Variants in TGFBR3 observed in about 807,000 individuals in gnomAD.
TGFBR3 encodes the protein transforming growth factor beta receptor 3, also known as transforming growth factor beta receptor type 3.
In TGFBR3, 46 loss-of-function variants were observed where a neutral mutation model predicts 87.9. The ratio of observed to expected loss-of-function variants is 0.52; its 90% CI spans 0.41 to 0.67. TGFBR3 has a LOEUF of 0.67. Ranked by LOEUF, TGFBR3 falls within the 30% of genes least tolerant of loss-of-function variation. The probability of loss-of-function intolerance (pLI) is 0.00; values close to 1 mark genes in which losing one functional copy is unlikely to be tolerated. For missense variants in TGFBR3, 866 were observed against 1,041.9 expected, an observed-to-expected ratio of 0.83 and a Z score of 2.32; for synonymous variants, 381 against 391.6, an observed-to-expected ratio of 0.97 and a Z score of 0.32.
At chr1:91,832,286 G>A (rs557779772) in intron 2 of TGFBR3, among the ~76,000 whole-genome samples, 1 of 152,248 alleles carries the variant, frequency 6.6e-6, no homozygotes, top group African/African-American at 2.4e-5. Flanking sequence ...AAATGAGAGA[G>A]AGCTTTGCAA....
intron 3 of TGFBR3, among the ~76,000 whole-genome samples, chr1:91,781,880 T>C (rs984144288): frequency 6.6e-6 from 1 of 152,198 alleles, no homozygotes; most frequent in South Asian, 2.1e-4. Flanking sequence ...AAAGATTTTA[T>C]GATTTGGGAA....
chr1:91,798,737 A>AT (rs1424570536), intron 2 of TGFBR3, among the ~76,000 whole-genome samples: 24 of 152,340 alleles, frequency 1.6e-4, no homozygotes, highest in Admixed American at 2.0e-4. Flanking sequence ...TGCCTGGCAT[A>AT]TATGAGATGC....
chr1:91,781,694 A>T, intron 3 of TGFBR3, among the ~76,000 whole-genome samples: 1 of 152,186 alleles, frequency 6.6e-6, no homozygotes. Flanking sequence ...TTGCCCTTGT[A>T]CATTGCTCTA....
chr1:91,720,151 G>A lies in TGFBR3; in HGVS notation c.1155C>T (p.Ala385=), dbSNP rs1161283746. 1.2e-6 allele frequency: 2 copies of A among 1,613,838 alleles called. No homozygotes were observed. Among genetic ancestry groups the A allele is most frequent in the South Asian group, 2.2e-5 (2 of 91,062 alleles). ...CTCCCCGGATGGGCGGGTTCTGCAG[G>A]GCAGGCAGGGCACCAGGGTCCAGCA... is the stretch of plus-strand genomic sequence containing the variant. ...RILLDPGALP[A]LQNPPIRGGE... is the part of the protein sequence containing the mutation. The change falls in exon 9 of 17, where the codon GCC becomes GCT. Residue 385 remains alanine (A), a synonymous_variant. Transcript: ENST00000212355.
intron 4 of TGFBR3, among the ~76,000 whole-genome samples, chr1:91,744,169 C>T (rs1430737542): frequency 6.6e-6 from 1 of 150,626 alleles, no homozygotes; most frequent in Admixed American, 6.6e-5. Context: ...ACTGCAGTCT[C>T]TGCCTCCCAG....
intron 15 of TGFBR3, among the ~76,000 whole-genome samples, chr1:91,696,590 T>C (rs952546735): frequency 7.9e-5 from 12 of 152,212 alleles, no homozygotes; most frequent in Non-Finnish European, 1.6e-4. Flanking sequence ...AACATTTCCT[T>C]TCATTTAAGA....
At chr1:91,800,276 A>T (rs12760645) in intron 2 of TGFBR3, among the ~76,000 whole-genome samples, 2 of 140,176 alleles carry the variant, frequency 1.4e-5, no homozygotes, top group Admixed American at 1.4e-4. Context: ...ACACACACAC[A>T]CACTCACGCA....
chr1:91,886,682 C>T (rs1679327266), upstream of TGFBR3, among the ~76,000 whole-genome samples: 1 of 152,158 alleles, frequency 6.6e-6, no homozygotes, highest in Non-Finnish European at 1.5e-5. Context: ...TCATTCTGTC[C>T]CTGTGCTTTT....
At chr1:91,748,513 T>G (rs986782711) in intron 4 of TGFBR3, among the ~76,000 whole-genome samples, 5 of 152,188 alleles carry the variant, frequency 3.3e-5, no homozygotes, top group Middle Eastern at 3.2e-3. Flanking sequence ...AAATAAGTCA[T>G]GCATAAAACA....
At chr1:91,877,413 G>A (rs143395143) in intron 1 of TGFBR3, among the ~76,000 whole-genome samples, 34 of 151,978 alleles carry the variant, frequency 2.2e-4, no homozygotes, top group African/African-American at 7.0e-4. Flanking sequence ...CTGCAGCCTC[G>A]ACCTCCTGGC....
At chr1:91,812,921 A>G (rs1197638966) in intron 2 of TGFBR3, among the ~76,000 whole-genome samples, 1 of 152,060 alleles carries the variant, frequency 6.6e-6, no homozygotes, top group South Asian at 2.1e-4. Context: ...GCTGCTTTAT[A>G]GTTTTGCCTA....
chr1:91,748,927 A>AG (rs1449346750), intron 4 of TGFBR3, among the ~76,000 whole-genome samples: 3 of 152,112 alleles, frequency 2.0e-5, no homozygotes, highest in African/African-American at 4.8e-5. Flanking sequence ...CATACATGTA[A>AG]GTACTCAGAA....
chr1:91,750,293 C>A (rs1282411692), intron 4 of TGFBR3, among the ~76,000 whole-genome samples: 2 of 152,170 alleles, frequency 1.3e-5, no homozygotes, highest in Non-Finnish European at 1.5e-5. Context: ...TAGAATAAAT[C>A]CCAGGGAGTC....
intron 4 of TGFBR3, among the ~76,000 whole-genome samples, chr1:91,747,033 T>C (rs866033129): frequency 1.3e-5 from 2 of 152,212 alleles, no homozygotes; most frequent in East Asian, 3.8e-4. Flanking sequence ...CCTAAGTGCA[T>C]GTCACATGGA....
In TGFBR3 at chr1:91,685,514, C is replaced by T. The variant is rs777370525; in HGVS notation, c.2438-1657G>A. On this transcript the variant is annotated intron_variant, in intron 16 of 16. Coordinates refer to ENST00000212355, the MANE Select transcript of TGFBR3 (RefSeq NM_003243.5). ...ATTTTTTGTATTTTTAGTAGAGACA[C>T]GATTTCACTGTGTTAGCCAGGATGG... Among the ~76,000 whole-genome samples, 32 of 151,860 alleles carry T rather than the reference C, an allele frequency of 2.1e-4. No individual in the cohort carries two copies. In the East Asian group the frequency reaches 2.9e-3, roughly 14 times the overall value.
At chr1:91,719,566 G>A in intron 9 of TGFBR3, 102 bp from the exon 10 acceptor site, 1 of 1,438,536 alleles carries the variant, frequency 7.0e-7, no homozygotes, top group Non-Finnish European at 9.8e-7. Context: ...GACAGGCGAT[G>A]AGAGGCCTGC....
chr1:91,843,937 AC>A (rs1677382579), intron 2 of TGFBR3, among the ~76,000 whole-genome samples: 1 of 152,216 alleles, frequency 6.6e-6, no homozygotes, highest in South Asian at 2.1e-4. Flanking sequence ...TAAAATCTCT[AC>A]AAAATCCTTT....
intron 1 of TGFBR3, among the ~76,000 whole-genome samples, chr1:91,900,640 A>G (rs750333637): frequency 2.6e-4 from 40 of 152,228 alleles, no homozygotes; most frequent in Non-Finnish European, 4.4e-4. Flanking sequence ...CTTGCAATAT[A>G]TATTCTTGAC....
intron 1 of TGFBR3, 136 bp downstream of exon 1, chr1:91,885,742 A>G: frequency 5.4e-6 from 1 of 184,758 alleles, no homozygotes; most frequent in Non-Finnish European, 1.1e-5. Flanking sequence ...CCAAGGCCGG[A>G]GGTCCTGGCG....
Sources: gnomAD v4.1 joint callset for allele counts (sites outside exome capture counted in the v4.1 genomes callset) on GRCh38, gnomAD v4.1.1 for gene constraint, MANE v1.5 for transcripts, NCBI Gene and HGNC (gene_info 2026-07-23, HGNC 2026-07-21) for gene names.